PPP2R5A: variants seen among roughly 807,000 people sequenced by gnomAD.
The protein encoded by PPP2R5A is protein phosphatase 2 regulatory subunit B'alpha, also known as serine/threonine-protein phosphatase 2A 56 kDa regulatory subunit alpha isoform.
In PPP2R5A, 25 loss-of-function variants were observed where a neutral mutation model predicts 64.2. The ratio of observed to expected loss-of-function variants is 0.39; its 90% CI spans 0.28 to 0.54. The LOEUF (loss-of-function observed/expected upper bound fraction) is 0.54. Ranked by LOEUF, PPP2R5A falls within the 20% of genes least tolerant of loss-of-function variation. PPP2R5A has a pLI of 0.67. For missense variants in PPP2R5A, 425 were observed against 576.3 expected (o/e 0.74, Z 2.69); for synonymous variants, 198 against 201.2 (o/e 0.98, Z 0.13).
intron 3 of PPP2R5A, among the ~76,000 whole-genome samples, chr1:212,340,016 A>G (rs1014932184): frequency 6.8e-6 from 1 of 146,072 alleles, no homozygotes; most frequent in East Asian, 2.0e-4. Context: ...AAAAAAAAAA[A>G]GCCAGGCATG....
chr1:212,288,021 TTTTA>T (rs1459035650), intron 1 of PPP2R5A, among the ~76,000 whole-genome samples: 2 of 152,142 alleles, frequency 1.3e-5, no homozygotes, highest in African/African-American at 2.4e-5. Context: ...TTTGCTTTTA[TTTTA>T]TTTATTTTAT....
intron 3 of PPP2R5A, among the ~76,000 whole-genome samples, chr1:212,335,440 A>G (rs548273950): frequency 2.1e-4 from 31 of 150,780 alleles, no homozygotes; most frequent in African/African-American, 7.5e-4. Flanking sequence ...GCGCCATTGC[A>G]CTCCAGCCTG....
intron 1 of PPP2R5A, among the ~76,000 whole-genome samples, chr1:212,320,201 C>A (rs975401552): frequency 3.3e-5 from 5 of 152,006 alleles, no homozygotes; most frequent in African/African-American, 1.2e-4. Context: ...TCTTGCACCA[C>A]CCTTAATCCA....
At chr1:212,315,900 C>A (rs945329230) in intron 1 of PPP2R5A, among the ~76,000 whole-genome samples, 3 of 152,056 alleles carry the variant, frequency 2.0e-5, no homozygotes, top group Admixed American at 6.6e-5. Flanking sequence ...GTTATGATCG[C>A]CTCCAATTAG....
At chr1:212,309,961 T>C (rs533864994) in intron 1 of PPP2R5A, among the ~76,000 whole-genome samples, 58 of 152,358 alleles carry the variant, frequency 3.8e-4, no homozygotes, top group Non-Finnish European at 6.3e-4. Flanking sequence ...CTTGTTATTG[T>C]CACTTGTTTG....
rs528687005 is a variant in PPP2R5A at position 212,322,494 on chromosome 1, A to G, written c.182-6641A>G. ...CATAATTTTTTAAATAATGAAAACC[A>G]TGATTACCATCTTTTGTTACAGGAT... On this transcript the variant is annotated intron_variant, in intron 1 of 12. Coordinates refer to ENST00000261461, the MANE Select transcript of PPP2R5A (RefSeq NM_006243.4). Among the ~76,000 whole-genome samples the G allele has an allele frequency of 3.3e-5, 5 of 152,334 alleles. 1 individual carries two copies. The highest frequency in any genetic ancestry group is 1.2e-4 in the African/African-American group (5 of 41,584).
chr1:212,342,230 T>A lies in PPP2R5A; in HGVS notation c.523T>A (p.Phe175Ile). The stretch of plus-strand genomic sequence containing the variant: ...CTTGAGATTTTTGGAGAGCCCTGAT[T>A]TCCAGCCTAGCATTGCAAAACGATA... ...FFLRFLESPD[F>I]QPSIAKRYID... Residue 175 changes from phenylalanine to isoleucine, a missense_variant, in exon 4 of 13, where the codon TTC becomes ATC. By Grantham distance (21) the Phe-to-Ile change is conservative. Coordinates refer to ENST00000261461, the MANE Select transcript of PPP2R5A (RefSeq NM_006243.4). 5 of 1,613,752 alleles carry A rather than the reference T, an allele frequency of 3.1e-6. No individual in the cohort carries two copies. Among genetic ancestry groups the A allele is most frequent in the Non-Finnish European group, 3.4e-6 (4 of 1,179,842 alleles).
At chr1:212,358,920 C>A in intron 12 of PPP2R5A, 133 bp downstream of exon 12, 1 of 577,576 alleles carries the variant, frequency 1.7e-6, no homozygotes. Context: ...GTAAACATTA[C>A]AATGTGAAAG....
chr1:212,347,989 G>C lies in PPP2R5A; in HGVS notation c.765-400G>C, dbSNP rs376023689. On this transcript the variant is annotated intron_variant, in intron 6 of 12. Transcript: ENST00000261461. Reference sequence around the variant, plus strand: ...TTATTAATAGTAGAAAATGATTGTGGAGAGAACTACTTCTTTCACGTTATC... The same window carrying C: ...TTATTAATAGTAGAAAATGATTGTGCAGAGAACTACTTCTTTCACGTTATC... 3.9e-5 allele frequency among the ~76,000 whole-genome samples: 6 copies of C among 152,204 alleles called. No individual in the cohort carries two copies. In the South Asian group the frequency reaches 8.3e-4, roughly 21 times the overall value.
intron 1 of PPP2R5A, chr1:212,302,095 A>G: frequency 2.6e-6 from 4 of 1,513,190 alleles, no homozygotes; most frequent in Non-Finnish European, 3.5e-6. Context: ...GATAATGAGT[A>G]TGTATATTAA....
At chr1:212,318,348 C>G (rs1659199499) in intron 1 of PPP2R5A, among the ~76,000 whole-genome samples, 1 of 151,814 alleles carries the variant, frequency 6.6e-6, no homozygotes. Context: ...TCATAATATT[C>G]ATGCAGAGCT....
chr1:212,342,175 C>A lies in PPP2R5A; in HGVS notation c.481-13C>A. On this transcript the variant is annotated splice_polypyrimidine_tract_variant and intron_variant, in intron 3 of 12. Transcript: ENST00000261461. ...AGCCATCATCTTAGCCTTTATTTGA[C>A]TTTCTCTCATAGTTGGTATATGAAT... 1 of 1,610,572 alleles carries A rather than the reference C, an allele frequency of 6.2e-7. No homozygotes were observed. Among genetic ancestry groups the A allele is most frequent in the South Asian group, 1.1e-5 (1 of 90,392 alleles).
intron 8 of PPP2R5A, among the ~76,000 whole-genome samples, chr1:212,351,995 A>ATTATTTTATTT (rs1204172801): frequency 1.3e-5 from 2 of 149,260 alleles, no homozygotes; most frequent in Non-Finnish European, 3.0e-5. Context: ...ATTTTATTTT[A>ATTATTTTATTT]TTATTTTATT....
chr1:212,345,975 C>T (rs887296766), intron 5 of PPP2R5A, 42 bp downstream of exon 5: 1 of 1,516,704 alleles, frequency 6.6e-7, no homozygotes, highest in Non-Finnish European at 8.9e-7. Context: ...TTTCCTCCTA[C>T]ATATCTTCTT....
chr1:212,318,762 T>C (rs1391120799), intron 1 of PPP2R5A, among the ~76,000 whole-genome samples: 2 of 152,222 alleles, frequency 1.3e-5, no homozygotes, highest in Non-Finnish European at 2.9e-5. Context: ...TTTCAGGTCA[T>C]TATTCCTTAA....
chr1:212,304,692 A>G (rs963075336), intron 1 of PPP2R5A, among the ~76,000 whole-genome samples: 2 of 151,406 alleles, frequency 1.3e-5, no homozygotes, highest in Non-Finnish European at 2.9e-5. Context: ...CCTCTCAAGT[A>G]ACTGAGCTTA....
At chr1:212,288,862 C>G (rs1658551499) in intron 1 of PPP2R5A, among the ~76,000 whole-genome samples, 1 of 52,202 alleles carries the variant, frequency 1.9e-5, no homozygotes. Context: ...TCATACCAGC[C>G]TGCTTATGTT....
At chr1:212,358,592 T>G in intron 11 of PPP2R5A, 94 bp from the exon 12 acceptor site, 1 of 849,384 alleles carries the variant, frequency 1.2e-6, no homozygotes, top group South Asian at 1.8e-5. Flanking sequence ...TTAAATGAAA[T>G]CAGCCAAGCT....
At chr1:212,309,327 G>A (rs1164423451) in intron 1 of PPP2R5A, 20 of 1,522,562 alleles carry the variant, frequency 1.3e-5, no homozygotes, top group East Asian at 2.2e-5. Flanking sequence ...TCCTGGGGGC[G>A]CTCTTCCGAG....
Sources: allele counts gnomAD v4.1 joint callset (sites outside exome capture counted in the v4.1 genomes callset), GRCh38; gene constraint gnomAD v4.1.1; transcripts MANE v1.5; gene names NCBI Gene and HGNC (gene_info 2026-07-23, HGNC 2026-07-21).